DIP2C: variants seen among roughly 807,000 people sequenced by gnomAD.
DIP2C encodes the protein DIP2 acetate--CoA ligase C (putative), also known as disco-interacting protein 2 homolog C.
Under a neutral mutation model 192.4 loss-of-function variants are expected in DIP2C, and 33 were observed. The observed-to-expected ratio is 0.17, with a 90% confidence interval of 0.13 to 0.23. The LOEUF is 0.23. Among genes scored for constraint, DIP2C ranks in the 10% least tolerant of loss-of-function variants. The pLI is 1.00. For missense variants in DIP2C, 1,537 were observed against 2,110.1 expected, an observed-to-expected ratio of 0.73 and a Z score of 5.32; for synonymous variants, 979 against 864.1, an observed-to-expected ratio of 1.13 and a Z score of -2.33.
chr10:682,637 A>G (rs1233358555), intron 1 of DIP2C, among the ~76,000 whole-genome samples: 1 of 152,222 alleles, frequency 6.6e-6, no homozygotes, highest in East Asian at 1.9e-4. Flanking sequence ...CACAGAGACA[A>G]AGACTGGAAT....
At chr10:676,895 A>G (rs939461760) in intron 1 of DIP2C, among the ~76,000 whole-genome samples, 4 of 152,180 alleles carry the variant, frequency 2.6e-5, no homozygotes, top group African/African-American at 4.8e-5. Context: ...ACTATAGTTT[A>G]CAACTTATTG....
chr10:375,605 A>G (rs1961467715), intron 17 of DIP2C, among the ~76,000 whole-genome samples: 1 of 152,184 alleles, frequency 6.6e-6, no homozygotes. Flanking sequence ...CAGCCTCTGG[A>G]AAGCATTCCA....
chr10:684,745 G>T (rs1365510396), intron 1 of DIP2C, among the ~76,000 whole-genome samples: 1 of 152,240 alleles, frequency 6.6e-6, no homozygotes, highest in South Asian at 2.1e-4. Context: ...CTCCCACTGG[G>T]CCATCATTTT....
rs1410751858 is a variant in DIP2C, at chr10:446,465, ACAC to A, written c.269-5472_269-5470del. Among the ~76,000 whole-genome samples, 3 of 152,362 alleles carry A rather than the reference ACAC, an allele frequency of 2.0e-5. No individual in the cohort carries two copies. The East Asian group carries it at 5.8e-4, about 29-fold the overall frequency. ...TGTATCTTGCATGCTTGCAAAATTC[ACAC>A]CATTTCTGGTTGCTTCTAGATTTCC... On this transcript the variant is annotated intron_variant, in intron 3 of 36. Coordinates refer to ENST00000280886, the MANE Select transcript of DIP2C (RefSeq NM_014974.3).
At chr10:327,223 T>C (rs544089799) in intron 30 of DIP2C, 47 bp from the exon 31 acceptor site, 4 of 1,583,062 alleles carry the variant, frequency 2.5e-6, no homozygotes, top group East Asian at 2.2e-5. Context: ...CGTGTCGAGC[T>C]TGGAGTGAGC....
At position 689,436 on chromosome 10, in the gene DIP2C, C is replaced by A; in HGVS notation, c.85+58G>T. 9.9e-7 allele frequency: 1 copy of A among 1,013,062 alleles called. No homozygotes were observed. Among genetic ancestry groups the A allele is most frequent in the Non-Finnish European group, 1.2e-6 (1 of 842,224 alleles). The allele number at this position is 1,013,062 out of a possible 1,614,324, so 62.8% of individuals were successfully genotyped here. The stretch of plus-strand genomic sequence containing the variant: ...CCGCAGGCCCCGCGCCCCCAGCCCT[C>A]CGCGCGCGGCCCTCCCCGGTGACAG... On this transcript the variant is annotated intron_variant, in intron 1 of 36. Transcript: ENST00000280886. The surrounding 1 kb of genome is among the most constrained non-coding windows in gnomAD (Gnocchi z 6.1).
chr10:424,242 A>G (rs1966413357), intron 4 of DIP2C, among the ~76,000 whole-genome samples: 2 of 152,004 alleles, frequency 1.3e-5, no homozygotes, highest in South Asian at 4.2e-4. Flanking sequence ...TGCAAACAAT[A>G]TACACACTTA....
At chr10:540,106 A>G (rs887095699) in intron 1 of DIP2C, among the ~76,000 whole-genome samples, 4 of 152,260 alleles carry the variant, frequency 2.6e-5, no homozygotes, top group African/African-American at 9.6e-5. Context: ...ACAGAATATT[A>G]AAGCAAAATA....
At chr10:321,341 C>A (rs547880200) in intron 31 of DIP2C, among the ~76,000 whole-genome samples, 1 of 152,366 alleles carries the variant, frequency 6.6e-6, no homozygotes, top group South Asian at 2.1e-4. Flanking sequence ...TCAGCCTTCC[C>A]CGAAGACCAG....
chr10:468,162 A>C (rs905652604), intron 3 of DIP2C, among the ~76,000 whole-genome samples: 1 of 152,200 alleles, frequency 6.6e-6, no homozygotes, highest in Non-Finnish European at 1.5e-5. Context: ...ATAAACTAAC[A>C]TAAGCTCCTC....
chr10:380,195 G>A (rs181592483), intron 17 of DIP2C, among the ~76,000 whole-genome samples: 4 of 151,026 alleles, frequency 2.6e-5, no homozygotes, highest in Admixed American at 1.3e-4. Context: ...TGGTTAACGT[G>A]CAGAAGAGGC....
At chr10:452,272 C>A (rs1045579496) in intron 3 of DIP2C, among the ~76,000 whole-genome samples, 1 of 152,172 alleles carries the variant, frequency 6.6e-6, no homozygotes, top group African/African-American at 2.4e-5. Context: ...CCTGAAGATT[C>A]CGTCAGACTC....
At chr10:589,671 G>A (rs536951090) in intron 1 of DIP2C, among the ~76,000 whole-genome samples, 36 of 152,302 alleles carry the variant, frequency 2.4e-4, no homozygotes, top group African/African-American at 7.7e-4. Context: ...TACGACTTCA[G>A]TGGATGTCTC....
chr10:347,706 C>T (rs1958568088), intron 26 of DIP2C, among the ~76,000 whole-genome samples: 1 of 146,636 alleles, frequency 6.8e-6, no homozygotes, highest in Admixed American at 6.8e-5. Context: ...GGAAACCCCA[C>T]ACGCACCCAA....
In DIP2C at chr10:345,550, G is replaced by A. The variant is rs191194578; in HGVS notation, c.3232-440C>T. Among the ~76,000 whole-genome samples, 82 of 137,922 alleles carry A rather than the reference G, an allele frequency of 5.9e-4. 1 individual carries two copies. The highest frequency in any genetic ancestry group is 2.2e-3 in the African/African-American group (78 of 34,680). 90.5% of individuals were successfully genotyped at this position (137,922 alleles called of 152,430 possible). On this transcript the variant is annotated intron_variant, in intron 26 of 36. Coordinates refer to ENST00000280886, the MANE Select transcript of DIP2C (RefSeq NM_014974.3). The stretch of plus-strand genomic sequence containing the variant: ...CAGACACACCGCGCATAGTTCTCCC[G>A]GAAACCCCCCACACCCCCAACCCAG...
chr10:549,092 G>C (rs1385070506), intron 1 of DIP2C, among the ~76,000 whole-genome samples: 1 of 152,102 alleles, frequency 6.6e-6, no homozygotes, highest in Non-Finnish European at 1.5e-5. Context: ...CTTTCTACTT[G>C]ACAGAAAACA....
intron 1 of DIP2C, among the ~76,000 whole-genome samples, chr10:587,146 G>A (rs113094513): frequency 2.9e-5 from 4 of 137,808 alleles, no homozygotes; most frequent in South Asian, 2.3e-4. Flanking sequence ...GTCTAAGGCC[G>A]GACCACCCGG....
At chr10:469,012 C>T (rs578198018) in intron 3 of DIP2C, among the ~76,000 whole-genome samples, 1 of 152,044 alleles carries the variant, frequency 6.6e-6, no homozygotes, top group Non-Finnish European at 1.5e-5. Flanking sequence ...TGTGCAGGTG[C>T]ATGAGCTGAC....
rs1249957386 is a variant in DIP2C at position 667,068 on chromosome 10, G to A, written c.85+22426C>T. The stretch of plus-strand genomic sequence containing the variant: ...ACACACAGGTTGTAACTAAAAGGCA[G>A]ACGGACCAGGTGCGGTGGTTCATGC... On this transcript the variant is annotated intron_variant, in intron 1 of 36. Transcript: ENST00000280886. 3.3e-5 allele frequency: 5 copies of A among 152,452 alleles called. No individual in the cohort carries two copies. The East Asian group carries it at 5.8e-4, about 18-fold the overall frequency. The allele number at this position is 152,452 out of a possible 1,614,324, so 9.4% of individuals were successfully genotyped here.
Sources: gnomAD v4.1 joint callset for allele counts (sites outside exome capture counted in the v4.1 genomes callset) on GRCh38, gnomAD v4.1.1 for gene constraint, Gnocchi (gnomAD v3.1) non-coding constraint, MANE v1.5 for transcripts, NCBI Gene and HGNC (gene_info 2026-07-23, HGNC 2026-07-21) for gene names.